The following EDIL3 variants were observed in gnomAD, a reference collection of about 807,000 sequenced individuals.
The protein encoded by EDIL3 is EGF-like repeat and discoidin I-like domain-containing protein 3.
EDIL3 carries 37 observed loss-of-function variants against 67.4 expected under a neutral mutation model. The observed-to-expected ratio is 0.55, with a 90% confidence interval of 0.42 to 0.72. The LOEUF is 0.72. Among genes scored for constraint, EDIL3 ranks in the 30% least tolerant of loss-of-function variants. The pLI, the probability that EDIL3 is intolerant of heterozygous loss-of-function variation, is 0.00. For synonymous variants in EDIL3, 195 were observed against 196.3 expected, an observed-to-expected ratio of 0.99 and a Z score of 0.05; for missense variants, 527 against 586.3, an observed-to-expected ratio of 0.90 and a Z score of 1.04.
chr5:84,291,680 A>ATAGATATATCTATATATCTATCTATG (rs1745920629), intron 1 of EDIL3, among the ~76,000 whole-genome samples: 1 of 147,302 alleles, frequency 6.8e-6, no homozygotes, highest in Non-Finnish European at 1.5e-5. Context: ...ATCTATCTAT[A>ATAGATATATCTATATATCTATCTATG]TAGATATATC....
intron 10 of EDIL3, among the ~76,000 whole-genome samples, chr5:83,955,258 G>C (rs1408921172): frequency 6.6e-6 from 1 of 151,656 alleles, no homozygotes; most frequent in Non-Finnish European, 1.5e-5. Flanking sequence ...AAAATAGGAA[G>C]ATTTTAACTT....
chr5:84,229,414 T>C (rs1459386929), intron 3 of EDIL3, among the ~76,000 whole-genome samples: 2 of 152,132 alleles, frequency 1.3e-5, no homozygotes, highest in Non-Finnish European at 2.9e-5. Context: ...CTAGTGAATA[T>C]GATGTTTGAT....
At chr5:84,346,641 T>C (rs1377740907) in intron 1 of EDIL3, among the ~76,000 whole-genome samples, 1 of 152,226 alleles carries the variant, frequency 6.6e-6, no homozygotes, top group East Asian at 1.9e-4. Context: ...CTTTCAACTT[T>C]TATCCATTTT....
chr5:84,211,596 G>A (rs768232292), intron 3 of EDIL3, among the ~76,000 whole-genome samples: 4 of 152,100 alleles, frequency 2.6e-5, no homozygotes, highest in African/African-American at 4.8e-5. Flanking sequence ...AGACAAAAGC[G>A]GAGCAGGTGA....
chr5:84,038,016 C>T (rs1287191418), intron 9 of EDIL3, among the ~76,000 whole-genome samples: 2 of 85,210 alleles, frequency 2.3e-5, no homozygotes, highest in African/African-American at 1.9e-4. Flanking sequence ...TTTTTTGAGA[C>T]AGGGTCTCAC....
At chr5:84,103,018 A>T (rs1747396168) in intron 6 of EDIL3, among the ~76,000 whole-genome samples, 1 of 152,138 alleles carries the variant, frequency 6.6e-6, no homozygotes, top group East Asian at 1.9e-4. Context: ...ATACAAAAAC[A>T]GACATATATT....
chr5:84,039,818 AT>A (rs1230122009), intron 9 of EDIL3, among the ~76,000 whole-genome samples: 9 of 152,034 alleles, frequency 5.9e-5, no homozygotes, highest in Admixed American at 2.0e-4. Flanking sequence ...AAGTATAATA[AT>A]AATAAAATAA....
chr5:84,147,460 C>T (rs1241416943), intron 4 of EDIL3, among the ~76,000 whole-genome samples: 1 of 151,838 alleles, frequency 6.6e-6, no homozygotes, highest in Admixed American at 6.6e-5. Flanking sequence ...ATATATTTAA[C>T]TTTAATAGAT....
At chr5:84,167,970 T>A (rs1272002222) in intron 4 of EDIL3, among the ~76,000 whole-genome samples, 1 of 151,192 alleles carries the variant, frequency 6.6e-6, no homozygotes, top group Non-Finnish European at 1.5e-5. Context: ...AATTCTCATT[T>A]GGAAATATTT....
At chr5:84,363,455 A>AG (rs1276761229) in intron 1 of EDIL3, among the ~76,000 whole-genome samples, 2 of 152,068 alleles carry the variant, frequency 1.3e-5, no homozygotes, top group Non-Finnish European at 2.9e-5. Context: ...TCAAAAAAAA[A>AG]AAAAAAAGAG....
chr5:84,017,174 C>T (rs762050095), intron 9 of EDIL3, among the ~76,000 whole-genome samples: 18 of 152,148 alleles, frequency 1.2e-4, no homozygotes, highest in Non-Finnish European at 2.1e-4. Flanking sequence ...CCACATTCAA[C>T]CTAGTTCTAT....
intron 1 of EDIL3, among the ~76,000 whole-genome samples, chr5:84,266,333 A>G (rs1291947397): frequency 1.4e-4 from 22 of 152,142 alleles, no homozygotes; most frequent in Admixed American, 1.4e-3. Context: ...ACCCTGAGCC[A>G]GCCCCAACAT....
At chr5:83,984,532 A>G (rs1186838488) in intron 9 of EDIL3, among the ~76,000 whole-genome samples, 1 of 152,138 alleles carries the variant, frequency 6.6e-6, no homozygotes, top group Admixed American at 6.6e-5. Flanking sequence ...ATTAAAAGCT[A>G]CATACGGTGA....
chr5:84,145,783 T>G (rs1748281732), intron 4 of EDIL3, among the ~76,000 whole-genome samples: 1 of 151,024 alleles, frequency 6.6e-6, no homozygotes, highest in Non-Finnish European at 1.5e-5. Flanking sequence ...TGAGACATAT[T>G]TATAAGAAAA....
At chr5:84,049,830 G>A (rs757997939) in intron 9 of EDIL3, among the ~76,000 whole-genome samples, 26 of 152,156 alleles carry the variant, frequency 1.7e-4, no homozygotes, top group Admixed American at 5.2e-4. Flanking sequence ...GCCATGTCCC[G>A]ATAGAAATAG....
rs183740645 is a variant in EDIL3 at position 84,094,477 on chromosome 5, T to A, written c.651+12172A>T. 4.2e-3 allele frequency among the ~76,000 whole-genome samples: 642 copies of A among 152,242 alleles called. 2 individuals are homozygous for A. Among genetic ancestry groups the A allele is most frequent in the Middle Eastern group, 0.01 (3 of 294 alleles). On this transcript the variant is annotated intron_variant, in intron 6 of 10. Coordinates refer to ENST00000296591, the MANE Select transcript of EDIL3 (RefSeq NM_005711.5). The stretch of plus-strand genomic sequence containing the variant: ...TATTAAAAACGAATTAGATTGTATG[T>A]AATTCAGCTTCTGTAACTAGAAAAA...
chr5:84,259,174 T>C (rs1408829495), intron 1 of EDIL3, among the ~76,000 whole-genome samples: 1 of 151,998 alleles, frequency 6.6e-6, no homozygotes, highest in Non-Finnish European at 1.5e-5. Flanking sequence ...TTAGCCAGGA[T>C]GGTCTCGATC....
chr5:84,257,593 C>T (rs1745144606), intron 1 of EDIL3, among the ~76,000 whole-genome samples: 1 of 152,068 alleles, frequency 6.6e-6, no homozygotes, highest in African/African-American at 2.4e-5. Context: ...ATTTCCAGAG[C>T]TCCTGCCTGG....
At chr5:84,164,099 G>GA (rs1748660474) in intron 4 of EDIL3, among the ~76,000 whole-genome samples, 2 of 151,986 alleles carry the variant, frequency 1.3e-5, no homozygotes. Context: ...AGAGGGATCT[G>GA]AAAAAATATT....
Sources: gnomAD v4.1 joint callset for allele counts (sites outside exome capture counted in the v4.1 genomes callset) on GRCh38, gnomAD v4.1.1 for gene constraint, MANE v1.5 for transcripts, NCBI Gene and HGNC (gene_info 2026-07-23, HGNC 2026-07-21) for gene names.